Variants in N4BP1 observed in about 807,000 individuals in gnomAD.
N4BP1 encodes NEDD4 binding protein 1, also known as NEDD4-binding protein 1.
Under a neutral mutation model 70.9 loss-of-function variants are expected in N4BP1, and 21 were observed. That is an observed-to-expected ratio of 0.30 (90% CI 0.21 to 0.43). N4BP1 has a LOEUF of 0.43. Among genes scored for constraint, N4BP1 ranks in the 20% least tolerant of loss-of-function variants. The probability of loss-of-function intolerance (pLI) is 1.00; values close to 1 mark genes in which losing one functional copy is unlikely to be tolerated. For synonymous variants in N4BP1, 387 were observed against 394.6 expected (o/e 0.98, Z 0.23); for missense variants, 936 against 1,069.4 (o/e 0.88, Z 1.74).
rs1963523841 is a variant in N4BP1, at chr16:48,542,802, GA to G, written c.*101del. 1 of 1,108,988 alleles carries G rather than the reference GA, an allele frequency of 9.0e-7. No individual in the cohort carries two copies. Among genetic ancestry groups the G allele is most frequent in the Non-Finnish European group, 1.3e-6 (1 of 798,218 alleles). The allele number at this position is 1,108,988 out of a possible 1,614,324, so 68.7% of individuals were successfully genotyped here. Reference sequence around the variant, plus strand: ...TTCTGTACAACTGCGTTTACACTGGGAAATAAGTTTCTTCACATTATGTTCA... The same window carrying G: ...TTCTGTACAACTGCGTTTACACTGGGAATAAGTTTCTTCACATTATGTTCA... On this transcript the variant is annotated 3_prime_UTR_variant, in exon 7 of 7. Transcript: ENST00000262384.
At chr16:48,601,992 G>A (rs1305263516) in intron 1 of N4BP1, among the ~76,000 whole-genome samples, 1 of 152,188 alleles carries the variant, frequency 6.6e-6, no homozygotes, top group African/African-American at 2.4e-5. Flanking sequence ...GGAGGCCAAG[G>A]CAGGCAGATC....
intron 1 of N4BP1, among the ~76,000 whole-genome samples, chr16:48,573,957 A>G (rs912208922): frequency 2.4e-4 from 36 of 152,164 alleles, no homozygotes; most frequent in Non-Finnish European, 7.4e-5. Context: ...TAAGCTGAGG[A>G]GGAGGGGGAT....
chr16:48,582,687 C>T (rs193119242), intron 1 of N4BP1, among the ~76,000 whole-genome samples: 175 of 151,844 alleles, frequency 1.2e-3, no homozygotes, highest in African/African-American at 3.2e-3. Context: ...TGGGTATCTA[C>T]GTATAGGAAA....
At position 48,576,457 on chromosome 16, in the gene N4BP1, T is replaced by A. The variant is rs140252562; in HGVS notation, c.199-14013A>T. Reference sequence around the variant, plus strand: ...CTCCTAGAGACAGGACCAGCTGCCATACTGTGTCTACTCTAGACGCTATCC... The same window carrying A: ...CTCCTAGAGACAGGACCAGCTGCCAAACTGTGTCTACTCTAGACGCTATCC... On this transcript the variant is annotated intron_variant, in intron 1 of 6. Transcript: ENST00000262384. Among the ~76,000 whole-genome samples, 55 of 152,332 alleles carry A rather than the reference T, an allele frequency of 3.6e-4. 1 individual carries two copies. In the Middle Eastern group the frequency reaches 0.017, roughly 47 times the overall value.
At chr16:48,600,093 A>T in intron 1 of N4BP1, 1 of 382,188 alleles carries the variant, frequency 2.6e-6, no homozygotes, top group Non-Finnish European at 4.8e-6. Flanking sequence ...AATGAAACAT[A>T]CTGTGAATTA....
intron 5 of N4BP1, chr16:48,546,649 A>G (rs1289416407): frequency 6.4e-6 from 1 of 157,144 alleles, no homozygotes; most frequent in Non-Finnish European, 1.4e-5. Context: ...AAATGTGTCC[A>G]TAAGCAAATC....
Position 48,609,853 on chromosome 16 carries a change from C to G in N4BP1, c.120G>C (p.Ala40=), listed in dbSNP as rs1336137604. 1.3e-6 allele frequency: 2 copies of G among 1,490,288 alleles called. No homozygotes were observed. Among genetic ancestry groups the G allele is most frequent in the Non-Finnish European group, 1.8e-6 (2 of 1,124,690 alleles). 92.3% of individuals were successfully genotyped at this position (1,490,288 alleles called of 1,614,324 possible). The change falls in exon 1 of 7, where the codon GCG becomes GCC. Residue 40 remains alanine (A), a synonymous_variant. Transcript: ENST00000262384. ...CGGGCAGCGGCTCCTCAGCCCCTAG[C>G]GCGCCGAGCACGGCTAGGCTCACGC... ...LFGVSLAVLG[A]LGAEEPLPAR...
Position 48,562,209 on chromosome 16 carries a change from T to C in N4BP1, c.434A>G (p.Glu145Gly), listed in dbSNP as rs747939394. The C allele has an allele frequency of 6.2e-7, 1 of 1,613,942 alleles. No homozygotes were observed. The highest frequency in any genetic ancestry group is 8.5e-7 in the Non-Finnish European group (1 of 1,179,874). The change falls in exon 2 of 7, where the codon GAG (glutamate) becomes GGG (glycine). Residue 145 changes from glutamate to glycine, a missense_variant. Glu to Gly is a moderately conservative substitution (Grantham distance 98). Transcript: ENST00000262384. ...QQFVKLFENK[E>G]NLPSSQKESE... is the part of the protein sequence containing the mutation. ...TTCTTTCTGACTACTGGGTAGGTTC[T>C]CTTTATTTTCAAAGAGCTTTACAAA...
At chr16:48,581,462 C>T (rs927423664) in intron 1 of N4BP1, among the ~76,000 whole-genome samples, 2 of 152,178 alleles carry the variant, frequency 1.3e-5, no homozygotes, top group African/African-American at 4.8e-5. Context: ...AAAAGTTAAA[C>T]TGTTCCCAGA....
At chr16:48,550,109 C>A (rs1567426881) in intron 4 of N4BP1, among the ~76,000 whole-genome samples, 1 of 152,198 alleles carries the variant, frequency 6.6e-6, no homozygotes, top group Non-Finnish European at 1.5e-5. Context: ...TACTTATGCA[C>A]ACGTCTTCTC....
chr16:48,602,115 C>T (rs1158332191), intron 1 of N4BP1, among the ~76,000 whole-genome samples: 1 of 152,052 alleles, frequency 6.6e-6, no homozygotes, highest in Non-Finnish European at 1.5e-5. Flanking sequence ...TCCCAACTAA[C>T]CAGGAGTCTG....
At chr16:48,546,890 A>C (rs1963598634) in intron 5 of N4BP1, among the ~76,000 whole-genome samples, 1 of 152,228 alleles carries the variant, frequency 6.6e-6, no homozygotes, top group Non-Finnish European at 1.5e-5. Context: ...CCCTCCATGC[A>C]TACATGGATG....
intron 1 of N4BP1, chr16:48,600,073 C>A: frequency 9.6e-6 from 3 of 313,818 alleles, no homozygotes; most frequent in Non-Finnish European, 1.2e-5. Context: ...TAAAAAATAC[C>A]AGGGTCAAGA....
At chr16:48,546,725 C>T (rs1963596520) in intron 5 of N4BP1, 1 of 152,332 alleles carries the variant, frequency 6.6e-6, no homozygotes. Flanking sequence ...GGTCTTTAGA[C>T]CACTATTTAT....
chr16:48,586,864 T>C (rs945485013), intron 1 of N4BP1, among the ~76,000 whole-genome samples: 4 of 152,110 alleles, frequency 2.6e-5, no homozygotes, highest in Non-Finnish European at 5.9e-5. Flanking sequence ...ATAAAAACTT[T>C]TAACATTTTT....
chr16:48,548,799 C>T (rs1475547938), intron 4 of N4BP1, among the ~76,000 whole-genome samples: 3 of 145,520 alleles, frequency 2.1e-5, no homozygotes, highest in Non-Finnish European at 1.5e-5. Flanking sequence ...AAGATCGTGC[C>T]ACTACATTCC....
At chr16:48,547,293 A>T (rs1286996065) in intron 5 of N4BP1, among the ~76,000 whole-genome samples, 1 of 152,216 alleles carries the variant, frequency 6.6e-6, no homozygotes, top group Non-Finnish European at 1.5e-5. Flanking sequence ...CCCTGGCACT[A>T]TCAGACTCTT....
intron 1 of N4BP1, among the ~76,000 whole-genome samples, chr16:48,590,621 C>T (rs1057505038): frequency 1.3e-5 from 2 of 152,214 alleles, no homozygotes; most frequent in Non-Finnish European, 2.9e-5. Flanking sequence ...CTGACTCTGA[C>T]ACTGTCTCTA....
chr16:48,560,728 A>G, intron 2 of N4BP1, 26 bp downstream of exon 2: 3 of 1,563,306 alleles, frequency 1.9e-6, no homozygotes, highest in Non-Finnish European at 2.6e-6. Flanking sequence ...ATTTAAAATA[A>G]AATAATCTGC....
Sources: allele counts gnomAD v4.1 joint callset (sites outside exome capture counted in the v4.1 genomes callset), GRCh38; gene constraint gnomAD v4.1.1; transcripts MANE v1.5; gene names NCBI Gene and HGNC (gene_info 2026-07-23, HGNC 2026-07-21).